The following MROH7 variants were observed in gnomAD, a reference collection of about 807,000 sequenced individuals.
MROH7 encodes the protein maestro heat like repeat family member 7, also known as maestro heat-like repeat-containing protein family member 7.
In MROH7, 113 loss-of-function variants were observed where a neutral mutation model predicts 129.2. That is an observed-to-expected ratio of 0.87 (90% confidence interval 0.75 to 1.02). The LOEUF (loss-of-function observed/expected upper bound fraction) is 1.02. MROH7 is among the 50% of genes least tolerant of loss of function. The pLI is 0.00. For missense variants in MROH7, 1,601 were observed against 1,671.3 expected (o/e 0.96, Z 0.73); for synonymous variants, 655 against 667.9 (o/e 0.98, Z 0.30).
chr1:54,695,257 ACGC>A, intron 16 of MROH7, 116 bp from the exon 17 acceptor site: 1 of 626,644 alleles, frequency 1.6e-6, no homozygotes, highest in Non-Finnish European at 2.9e-6. Context: ...AATCCTGGGA[ACGC>A]AGGAATCCAG....
At chr1:54,688,211 C>T (rs1645180678) in intron 15 of MROH7, among the ~76,000 whole-genome samples, 2 of 147,008 alleles carry the variant, frequency 1.4e-5, no homozygotes, top group South Asian at 4.3e-4. Flanking sequence ...CACAGCGAGA[C>T]TCCGTCTCAA....
chr1:54,708,706 CT>C, intron 22 of MROH7, among the ~76,000 whole-genome samples: 1 of 152,202 alleles, frequency 6.6e-6, no homozygotes, highest in Admixed American at 6.5e-5. Flanking sequence ...ACAGCACTTC[CT>C]TGTGTCACAG....
In MROH7 at chr1:54,647,904, CAAAAA is replaced by C. The variant is rs35151019; in HGVS notation, c.-109-4026_-109-4022del. On this transcript the variant is annotated intron_variant, in intron 1 of 23. Transcript: ENST00000421030. ...TGTGTGACAGAGTGAGACTCCATCTCAAAAAAAAAAAAAAAAAAAAAAAGAATGTG... is the reference window on the plus strand; with the variant it reads ...TGTGTGACAGAGTGAGACTCCATCTCAAAAAAAAAAAAAAAAAAGAATGTG... Among the ~76,000 whole-genome samples, 190 of 87,094 alleles carry C rather than the reference CAAAAA, an allele frequency of 2.2e-3. 1 individual carries two copies. The highest frequency in any genetic ancestry group is 0.012 in the Middle Eastern group (2 of 170). 57.1% of individuals were successfully genotyped at this position (87,094 alleles called of 152,430 possible). A position where few individuals can be genotyped will look rare whatever the true frequency, so the allele number is the denominator to read the frequency against.
chr1:54,657,098 A>G (rs1328372368), intron 3 of MROH7, among the ~76,000 whole-genome samples: 1 of 145,872 alleles, frequency 6.9e-6, no homozygotes, highest in Non-Finnish European at 1.5e-5. Context: ...CCCAGGCTGG[A>G]GTACAGTGTC....
chr1:54,644,755 A>G (rs1036233335), intron 1 of MROH7, among the ~76,000 whole-genome samples: 1 of 150,786 alleles, frequency 6.6e-6, no homozygotes, highest in South Asian at 2.1e-4. Context: ...TCGGCCTCCC[A>G]AAGTGCTGGG....
intron 7 of MROH7, among the ~76,000 whole-genome samples, chr1:54,671,184 G>A (rs1346508180): frequency 6.6e-6 from 1 of 152,070 alleles, no homozygotes; most frequent in Non-Finnish European, 1.5e-5. Context: ...TCAGGAGACT[G>A]AGACCATCCT....
In MROH7 at chr1:54,653,623, G is replaced by A; in HGVS notation, c.697G>A (p.Ala233Thr). 1 of 1,614,122 alleles carries A rather than the reference G, an allele frequency of 6.2e-7. No individual in the cohort carries two copies. The highest frequency in any genetic ancestry group is 8.5e-7 in the Non-Finnish European group (1 of 1,180,030). The change falls in exon 3 of 24, where the codon GCT becomes ACT. Residue 233 changes from alanine (A) to threonine (T), a missense_variant. Physicochemically the swap from Ala to Thr is moderately conservative, Grantham distance 58. Coordinates refer to ENST00000421030, the MANE Select transcript of MROH7 (RefSeq NM_001039464.4). The part of the protein sequence containing the change: ...RNTSKLNLNV[A>T]PDSHGTLIPD... ...CACCTCCAAGCTGAACCTGAATGTA[G>A]CTCCAGATTCTCATGGGACCCTAAT...
chr1:54,674,756 G>A (rs1644955547), intron 10 of MROH7, among the ~76,000 whole-genome samples: 1 of 152,172 alleles, frequency 6.6e-6, no homozygotes. Context: ...GAGGTGCACA[G>A]TATCAGCTGT....
At chr1:54,645,062 G>A (rs949858574) in intron 1 of MROH7, among the ~76,000 whole-genome samples, 4 of 150,840 alleles carry the variant, frequency 2.7e-5, no homozygotes, top group Non-Finnish European at 3.0e-5. Flanking sequence ...TGCTTGCTTC[G>A]GCCTCCCAAA....
chr1:54,708,399 T>A (rs896910440), intron 22 of MROH7, among the ~76,000 whole-genome samples: 1 of 150,960 alleles, frequency 6.6e-6, no homozygotes, highest in Non-Finnish European at 1.5e-5. Context: ...TGCACTCCAG[T>A]CTGGGCAACA....
At position 54,702,748 on chromosome 1, in the gene MROH7, GA is replaced by G. The variant is rs766273745; in HGVS notation, c.3564+4del. The G allele has an allele frequency of 6.2e-7, 1 of 1,612,164 alleles. No individual in the cohort carries two copies. Among genetic ancestry groups the G allele is most frequent in the Non-Finnish European group, 8.5e-7 (1 of 1,179,130 alleles). On this transcript the variant is annotated splice_donor_region_variant and intron_variant, in intron 21 of 23. Transcript: ENST00000421030. The stretch of plus-strand genomic sequence containing the variant: ...TGGCCAAAATTTGCAAGTGCCTTGT[GA>G]GTGCTCCCAGAGAGTAGAGTGGTTC...
chr1:54,686,484 C>A (rs756163913), intron 15 of MROH7, 36 bp downstream of exon 15: 1 of 1,582,614 alleles, frequency 6.3e-7, no homozygotes, highest in East Asian at 2.3e-5. Flanking sequence ...CTGCTGTCCC[C>A]GGTGGTGGGA....
chr1:54,697,132 G>A (rs1223987762), intron 17 of MROH7: 2 of 152,444 alleles, frequency 1.3e-5, no homozygotes, highest in East Asian at 1.9e-4. Flanking sequence ...GGCAGGTCTA[G>A]GCTAAACTAG....
At chr1:54,708,631 A>G (rs900193701) in intron 22 of MROH7, among the ~76,000 whole-genome samples, 3 of 152,154 alleles carry the variant, frequency 2.0e-5, no homozygotes, top group African/African-American at 7.2e-5. Context: ...CTTGCCTGAC[A>G]GGTATGCAAG....
At position 54,653,868 on chromosome 1, in the gene MROH7, C is replaced by T. The variant is rs369708982; in HGVS notation, c.942C>T (p.Thr314=). The change falls in exon 3 of 24, where the codon ACC becomes ACT. Residue 314 remains threonine (T), a synonymous_variant. Transcript: ENST00000421030. ...ATGGTATCAGCCTGCACTCCAGCAC[C>T]CATGAGCCCAACTCCACCATCTCTC... ...SSYGISLHSS[T]HEPNSTISPP... 5.6e-6 allele frequency: 9 copies of T among 1,613,922 alleles called. No individual in the cohort carries two copies. In the East Asian group the frequency reaches 6.7e-5, roughly 12 times the overall value.
chr1:54,652,049 A>C (rs1644566729), intron 2 of MROH7, 66 bp downstream of exon 2: 1 of 152,310 alleles, frequency 6.6e-6, no homozygotes, highest in African/African-American at 2.4e-5. Flanking sequence ...TGCTGGGAGG[A>C]CTGGGGAGTT....
In MROH7 at chr1:54,697,267, A is replaced by G. The variant is rs116087978; in HGVS notation, c.2964+1777A>G. 4.7e-3 allele frequency: 863 copies of G among 182,580 alleles called. 5 individuals carry two copies. The highest frequency in any genetic ancestry group is 0.017 in the African/African-American group (746 of 42,996). The allele number at this position is 182,580 out of a possible 1,614,324, so 11.3% of individuals were successfully genotyped here. On this transcript the variant is annotated intron_variant, in intron 17 of 23. Coordinates refer to ENST00000421030, the MANE Select transcript of MROH7 (RefSeq NM_001039464.4). Reference sequence around the variant, plus strand: ...CCTTAAAGTTTGCCAAATGAACAAGAGGCAGCATGGGCATCCTAGGTACTT... The same window carrying G: ...CCTTAAAGTTTGCCAAATGAACAAGGGGCAGCATGGGCATCCTAGGTACTT...
Position 54,653,273 on chromosome 1 carries a change from A to G in MROH7, c.347A>G (p.Asp116Gly). 1 of 1,613,976 alleles carries G rather than the reference A, an allele frequency of 6.2e-7. No homozygotes were observed. The highest frequency in any genetic ancestry group is 8.5e-7 in the Non-Finnish European group (1 of 1,179,994). Residue 116 changes from aspartate to glycine, a missense_variant, in exon 3 of 24, where the codon GAC becomes GGC. Coordinates refer to ENST00000421030, the MANE Select transcript of MROH7 (RefSeq NM_001039464.4). ...DLDSKDVSRP[D>G]SQGRLCPASN... ...GATTCCAAGGATGTCTCAAGGCCTG[A>G]CTCACAGGGGCGCCTCTGTCCAGCC...
intron 3 of MROH7, among the ~76,000 whole-genome samples, chr1:54,664,499 C>A (rs984714519): frequency 6.6e-6 from 1 of 152,118 alleles, no homozygotes; most frequent in Non-Finnish European, 1.5e-5. Flanking sequence ...CGTGCAAAGG[C>A]CCTGAGGGGA....
Sources: gnomAD v4.1 joint callset for allele counts (sites outside exome capture counted in the v4.1 genomes callset) on GRCh38, gnomAD v4.1.1 for gene constraint, MANE v1.5 for transcripts, NCBI Gene and HGNC (gene_info 2026-07-23, HGNC 2026-07-21) for gene names.